The following TMPRSS9 variants were observed in gnomAD, a reference collection of about 807,000 sequenced individuals.
The protein encoded by TMPRSS9 is transmembrane serine protease 9, also known as transmembrane protease serine 9.
TMPRSS9 carries 113 observed loss-of-function variants against 111.4 expected under a neutral mutation model. The observed-to-expected ratio is 1.01, with a 90% CI of 0.87 to 1.19. The LOEUF (loss-of-function observed/expected upper bound fraction) is 1.19. TMPRSS9 is among the 50% of genes most tolerant of loss of function. TMPRSS9 has a pLI of 0.00. For missense variants in TMPRSS9, 1,803 were observed against 1,513.1 expected (o/e 1.19, Z -3.18); for synonymous variants, 805 against 659.1 (o/e 1.22, Z -3.39).
chr19:2,425,107 C>T, exon 16 of TMPRSS9: 2 of 1,584,250 alleles, frequency 1.3e-6, no homozygotes, highest in South Asian at 2.2e-5. Context: ...ACCCGTTCTA[C>T]AATCTCTACA....
chr19:2,404,728 C>G (rs571643748), intron 6 of TMPRSS9, among the ~76,000 whole-genome samples: 1 of 151,868 alleles, frequency 6.6e-6, no homozygotes, highest in Admixed American at 6.6e-5. Context: ...GTCAGGAGTT[C>G]GAGACCAGCC....
intron 6 of TMPRSS9, among the ~76,000 whole-genome samples, chr19:2,404,873 A>G (rs1210601939): frequency 1.3e-5 from 2 of 150,334 alleles, no homozygotes; most frequent in Non-Finnish European, 3.0e-5. Context: ...CAGAGCTTGC[A>G]GTGAGTTGAG....
chr19:2,411,265 A>C (rs1378060967), intron 9 of TMPRSS9, among the ~76,000 whole-genome samples: 3 of 110,934 alleles, frequency 2.7e-5, no homozygotes, highest in African/African-American at 1.1e-4. Context: ...ACGCCATTGC[A>C]CTCCAGCCTG....
rs1420168530 is a variant in TMPRSS9 at position 2,424,081 on chromosome 19, C to G, written c.2549-8C>G. 1 of 1,271,522 alleles carries G rather than the reference C, an allele frequency of 7.9e-7. No homozygotes were observed. The highest frequency in any genetic ancestry group is 9.9e-7 in the Non-Finnish European group (1 of 1,006,614). The allele number at this position is 1,271,522 out of a possible 1,614,324, so 78.8% of individuals were successfully genotyped here. On this transcript the variant is annotated splice_polypyrimidine_tract_variant and splice_region_variant and intron_variant, in intron 14 of 17. Transcript: ENST00000648592. ...GTCCGCCTGCCCACGCGCCTGGCTC[C>G]CCCGCAGACTGTGGCCTGGCGCCGG...
At chr19:2,370,091 T>A (rs1347903299) in intron 1 of TMPRSS9, among the ~76,000 whole-genome samples, 2 of 152,064 alleles carry the variant, frequency 1.3e-5, no homozygotes, top group African/African-American at 4.8e-5. Context: ...ACCAGTGTAA[T>A]CCCAGCTACT....
rs549503296 is a variant in TMPRSS9 at position 2,408,528 on chromosome 19, G to A, written c.1015G>A (p.Gly339Ser). Residue 339 changes from glycine to serine, a missense_variant, in exon 8 of 18, where the codon GGC becomes AGC. Transcript: ENST00000648592. Reference sequence around the variant, plus strand: ...GGAGCTGACCAGCCCTCTGCCTTTCGGCCGGCACATCCAGCCCGTGTGCCT... The same window carrying A: ...GGAGCTGACCAGCCCTCTGCCTTTCAGCCGGCACATCCAGCCCGTGTGCCT... 3.7e-6 allele frequency: 6 copies of A among 1,613,600 alleles called. No individual in the cohort carries two copies. Among genetic ancestry groups the A allele is most frequent in the Admixed American group, 3.3e-5 (2 of 59,990 alleles).
intron 1 of TMPRSS9, among the ~76,000 whole-genome samples, chr19:2,377,454 CCTCCCCT>C (rs760201703): frequency 8.3e-5 from 9 of 108,762 alleles, no homozygotes; most frequent in African/African-American, 3.0e-4. Flanking sequence ...TTCCTTCTCC[CCTCCCCT>C]CTCCCCTCTC....
intron 1 of TMPRSS9, among the ~76,000 whole-genome samples, chr19:2,374,756 C>T (rs2145251561): frequency 6.6e-6 from 1 of 152,060 alleles, no homozygotes; most frequent in Non-Finnish European, 1.5e-5. Context: ...ACCCACGAGC[C>T]TCTGTGGCCT....
intron 7 of TMPRSS9, among the ~76,000 whole-genome samples, chr19:2,408,148 G>A (rs940224331): frequency 3.3e-5 from 5 of 151,612 alleles, no homozygotes; most frequent in Non-Finnish European, 7.4e-5. Flanking sequence ...TGAACTCCTG[G>A]GCTCAGGTGA....
intron 6 of TMPRSS9, among the ~76,000 whole-genome samples, chr19:2,404,931 C>CAA (rs1044091377): frequency 1.4e-4 from 11 of 76,770 alleles, no homozygotes; most frequent in African/African-American, 2.3e-4. Flanking sequence ...GACTCCATCT[C>CAA]AAAAAAAAAA....
chr19:2,416,410 T>C, intron 11 of TMPRSS9, 128 bp from the exon 13 acceptor site: 1 of 1,260,662 alleles, frequency 7.9e-7, no homozygotes, highest in Non-Finnish European at 1.1e-6. Flanking sequence ...GAGCCGAAGG[T>C]CAGAGGATGG....
chr19:2,397,698 T>TC (rs142096029), intron 2 of TMPRSS9, among the ~76,000 whole-genome samples: 12,545 of 151,858 alleles, frequency 0.083, 1,751 homozygotes, highest in African/African-American at 0.29. Flanking sequence ...GGAGAGTGGA[T>TC]ACCTGAGGTC....
intron 1 of TMPRSS9, among the ~76,000 whole-genome samples, chr19:2,369,971 G>A (rs1599274721): frequency 2.0e-5 from 3 of 152,062 alleles, no homozygotes. Context: ...ACTTTGGGAG[G>A]CCAAGGCTGG....
At chr19:2,376,003 C>A (rs563786476) in intron 1 of TMPRSS9, among the ~76,000 whole-genome samples, 1 of 152,078 alleles carries the variant, frequency 6.6e-6, no homozygotes, top group East Asian at 1.9e-4. Flanking sequence ...CGGCTCTCTC[C>A]GAAGTCAGCA....
intron 1 of TMPRSS9, among the ~76,000 whole-genome samples, chr19:2,376,980 C>T (rs1173722075): frequency 6.6e-6 from 1 of 151,948 alleles, no homozygotes; most frequent in East Asian, 1.9e-4. Flanking sequence ...GCGTGTCTGG[C>T]CCAGTGTGCC....
chr19:2,402,057 T>C, intron 5 of TMPRSS9, 41 bp downstream of exon 6: 1 of 1,595,844 alleles, frequency 6.3e-7, no homozygotes, highest in Non-Finnish European at 8.6e-7. Context: ...TTGCAGTTAC[T>C]GACAGAGGTT....
At chr19:2,424,183 G>T in exon 15 of TMPRSS9, 2 of 1,464,454 alleles carry the variant, frequency 1.4e-6, no homozygotes. Flanking sequence ...TGTGGCTGCG[G>T]CGCCGGGAAC....
chr19:2,410,514 A>G (rs1971073672), intron 9 of TMPRSS9, 120 bp downstream of exon 10: 1 of 1,331,846 alleles, frequency 7.5e-7, no homozygotes. Flanking sequence ...CCCAGACCCC[A>G]GAAAAACACA....
At position 2,402,998 on chromosome 19, in the gene TMPRSS9, G is replaced by A. The variant is rs187109050; in HGVS notation, c.557-84G>A. ...GAGAGTTTCCACATTTCCGTACCCTGGTGGTACTAAGTATAGCATGGTGCC... is the reference window on the plus strand; with the variant it reads ...GAGAGTTTCCACATTTCCGTACCCTAGTGGTACTAAGTATAGCATGGTGCC... On this transcript the variant is annotated intron_variant, in intron 5 of 17. Transcript: ENST00000648592. The A allele has an allele frequency of 1.6e-3, 1,488 of 922,286 alleles. 5 individuals are homozygous for A. Among genetic ancestry groups the A allele is most frequent in the Non-Finnish European group, 2.2e-3 (1,276 of 573,188 alleles). The allele number at this position is 922,286 out of a possible 1,614,324, so 57.1% of individuals were successfully genotyped here. A position where few individuals can be genotyped will look rare whatever the true frequency, so the allele number is the denominator to read the frequency against.
Sources: gnomAD v4.1 joint callset for allele counts (sites outside exome capture counted in the v4.1 genomes callset) on GRCh38, gnomAD v4.1.1 for gene constraint, MANE v1.5 for transcripts, NCBI Gene and HGNC (gene_info 2026-07-23, HGNC 2026-07-21) for gene names.